The following MAP3K20 variants were observed in gnomAD, a reference collection of about 807,000 sequenced individuals.
MAP3K20 encodes the protein HCCS-4.
A neutral mutation model predicts 85.7 loss-of-function variants in MAP3K20; 40 were observed. The observed-to-expected ratio is 0.47, with a 90% confidence interval of 0.36 to 0.61. The LOEUF (loss-of-function observed/expected upper bound fraction) is 0.61. MAP3K20 is among the 20% of genes least tolerant of loss of function. MAP3K20 has a pLI of 0.00. For synonymous variants in MAP3K20, 325 were observed against 327.7 expected (o/e 0.99, Z 0.09); for missense variants, 817 against 961.7 (o/e 0.85, Z 1.99).
chr2:173,086,433 A>G (rs1687148412), intron 1 of MAP3K20, among the ~76,000 whole-genome samples: 1 of 152,228 alleles, frequency 6.6e-6, no homozygotes, highest in Non-Finnish European at 1.5e-5. Context: ...TTTTTCAGCT[A>G]CATCCATGAT....
chr2:173,181,886 CAAAAAAAAAA>C (rs74938428), intron 3 of MAP3K20, among the ~76,000 whole-genome samples: 2 of 135,022 alleles, frequency 1.5e-5, no homozygotes, highest in African/African-American at 5.5e-5. Flanking sequence ...TCATCTCTAC[CAAAAAAAAAA>C]AAAAAAAAAT....
chr2:173,188,559 G>A (rs1007339832), intron 5 of MAP3K20, among the ~76,000 whole-genome samples: 7 of 151,968 alleles, frequency 4.6e-5, no homozygotes, highest in African/African-American at 1.7e-4. Flanking sequence ...GAATCGATCA[G>A]GTACCCTTGC....
rs376819027 is a variant in MAP3K20, at chr2:173,127,801, A to G, written c.159+36611A>G. Among the ~76,000 whole-genome samples, 39 of 152,214 alleles carry G rather than the reference A, an allele frequency of 2.6e-4. 1 individual carries two copies. In the South Asian group the frequency reaches 7.9e-3, roughly 31 times the overall value. On this transcript the variant is annotated intron_variant, in intron 2 of 19. Transcript: ENST00000375213. ...TCATGCATATCAACCAATAATAAGA[A>G]TACCTGCAATCCCTTATTGAACTCT... is the stretch of plus-strand genomic sequence containing the variant.
At chr2:173,169,934 T>C (rs1296470469) in intron 3 of MAP3K20, 42 bp downstream of exon 3, 1 of 1,548,266 alleles carries the variant, frequency 6.5e-7, no homozygotes, top group Non-Finnish European at 8.9e-7. Flanking sequence ...TCCAATTACC[T>C]AGCTTTAGAT....
Position 173,187,559 on chromosome 2 carries a change from A to T in MAP3K20, c.351A>T (p.Gly117=). The change falls in exon 5 of 20, where the codon GGA becomes GGT. Residue 117 remains glycine (G), a splice_region_variant and synonymous_variant. Transcript: ENST00000375213. ...CTTTATTTCTTCTTGTGTGAAAAGG[A>T]ATGCATTATTTACATATGGAGGCTC... ...IMTWATDVAK[G]MHYLHMEAPV... 6.2e-7 allele frequency: 1 copy of T among 1,601,276 alleles called. No individual in the cohort carries two copies. The highest frequency in any genetic ancestry group is 8.5e-7 in the Non-Finnish European group (1 of 1,175,808).
chr2:173,192,869 G>C (rs1193991394), intron 7 of MAP3K20: 2 of 152,126 alleles, frequency 1.3e-5, no homozygotes, highest in Admixed American at 6.6e-5. Flanking sequence ...TTGTCCTGTT[G>C]AAATAGGAAC....
At chr2:173,182,278 T>A (rs141608460) in intron 3 of MAP3K20, among the ~76,000 whole-genome samples, 2 of 152,334 alleles carry the variant, frequency 1.3e-5, no homozygotes, top group Admixed American at 6.5e-5. Flanking sequence ...GGAAAGGTTC[T>A]AAGACTGGAT....
intron 12 of MAP3K20, 23 bp from the exon 13 acceptor site, chr2:173,232,169 C>T: frequency 1.2e-6 from 2 of 1,614,132 alleles, no homozygotes; most frequent in African/African-American, 1.3e-5. Flanking sequence ...TCTTCAAAAC[C>T]GTATGTGTCC....
intron 1 of MAP3K20, among the ~76,000 whole-genome samples, chr2:173,076,494 G>A (rs183859647): frequency 2.8e-4 from 42 of 152,346 alleles, no homozygotes; most frequent in Admixed American, 2.4e-3. Context: ...CGCTGTGCGT[G>A]CGAGGAGGGA....
intron 2 of MAP3K20, among the ~76,000 whole-genome samples, chr2:173,143,747 A>G (rs1689043055): frequency 6.6e-6 from 1 of 152,228 alleles, no homozygotes; most frequent in Admixed American, 6.5e-5. Context: ...TTATTTGCAG[A>G]TTAAATGATT....
At chr2:173,263,987 C>T in intron 19 of MAP3K20, 92 bp downstream of exon 19, 1 of 1,482,914 alleles carries the variant, frequency 6.7e-7, no homozygotes, top group Non-Finnish European at 9.0e-7. Context: ...AGGATACCAC[C>T]TCAATCAGTT....
In MAP3K20 at chr2:173,258,545, A is replaced by C. The variant is rs820007; in HGVS notation, c.1360-154A>C. The stretch of plus-strand genomic sequence containing the variant: ...TGGGGCTTATTTAGATATACATAGG[A>C]ATCTAATTTCATGTCCTTTTATTGA... On this transcript the variant is annotated intron_variant, in intron 16 of 19. Transcript: ENST00000375213. 0.11 allele frequency among the ~76,000 whole-genome samples: 16,515 copies of C among 150,230 alleles called. 1,267 individuals are homozygous for C. Among genetic ancestry groups the C allele is most frequent in the East Asian group, 0.23 (1,171 of 5,100 alleles).
intron 2 of MAP3K20, among the ~76,000 whole-genome samples, chr2:173,123,090 A>G (rs968137662): frequency 1.3e-5 from 2 of 152,176 alleles, no homozygotes. Context: ...TAAATCCACT[A>G]CATTCCTATC....
intron 2 of MAP3K20, among the ~76,000 whole-genome samples, chr2:173,165,643 A>G (rs1358177873): frequency 2.0e-5 from 3 of 152,166 alleles, no homozygotes; most frequent in Admixed American, 6.5e-5. Context: ...AAAATTTGCT[A>G]TTTCAGCGTA....
chr2:173,229,994 G>A (rs1684485158), intron 12 of MAP3K20, among the ~76,000 whole-genome samples: 1 of 152,056 alleles, frequency 6.6e-6, no homozygotes, highest in Non-Finnish European at 1.5e-5. Context: ...AGCATGCCTG[G>A]CTAATTTTTG....
intron 10 of MAP3K20, chr2:173,210,718 C>T (rs79195395): frequency 0.038 from 5,751 of 152,232 alleles, 156 homozygotes; most frequent in Admixed American, 0.055. Flanking sequence ...CCTGACTCAG[C>T]GGAGATTTAG....
intron 17 of MAP3K20, among the ~76,000 whole-genome samples, chr2:173,260,630 G>A (rs1218606329): frequency 6.6e-6 from 1 of 152,184 alleles, no homozygotes; most frequent in East Asian, 1.9e-4. Context: ...GTGATGTCAT[G>A]GAAAGCAGAG....
chr2:173,160,132 T>C (rs1168685163), intron 2 of MAP3K20: 1 of 152,202 alleles, frequency 6.6e-6, no homozygotes, highest in East Asian at 1.9e-4. Context: ...ATGTATTCTA[T>C]TATGGGTTTG....
intron 3 of MAP3K20, 100 bp downstream of exon 3, chr2:173,169,992 G>T: frequency 9.3e-7 from 1 of 1,076,816 alleles, no homozygotes. Flanking sequence ...TATGAATTGT[G>T]TGTTACTGTC....
Sources: allele counts gnomAD v4.1 joint callset (sites outside exome capture counted in the v4.1 genomes callset), GRCh38; gene constraint gnomAD v4.1.1; transcripts MANE v1.5; gene names NCBI Gene and HGNC (gene_info 2026-07-23, HGNC 2026-07-21).